GPC6: variants seen among roughly 807,000 people sequenced by gnomAD.
GPC6 encodes glypican-6.
GPC6 carries 14 observed loss-of-function variants against 55.2 expected under a neutral mutation model. That is an observed-to-expected ratio of 0.25 (90% CI 0.17 to 0.40). GPC6 has a LOEUF of 0.40. GPC6 is among the 10% of genes least tolerant of loss of function. The pLI is 1.00. For synonymous variants in GPC6, 278 were observed against 259.6 expected (o/e 1.07, Z -0.68); for missense variants, 641 against 708.5 (o/e 0.90, Z 1.08).
At position 94,231,832 on chromosome 13, in the gene GPC6, C is replaced by CA. The variant is rs201372592; in HGVS notation, c.878-54509dup. Among the ~76,000 whole-genome samples the CA allele has an allele frequency of 3.5e-3, 523 of 150,950 alleles. 9 individuals are homozygous for CA. Among genetic ancestry groups the CA allele is most frequent in the African/African-American group, 0.011 (470 of 41,008 alleles). ...TGACCTGGCTATTAAAATGAAAACA[C>CA]AAAAAAAATGTCTGCTTGTGACTAT... On this transcript the variant is annotated intron_variant, in intron 4 of 8. Coordinates refer to ENST00000377047, the MANE Select transcript of GPC6 (RefSeq NM_005708.5).
intron 4 of GPC6, among the ~76,000 whole-genome samples, chr13:94,220,453 C>T (rs1890349508): frequency 6.6e-6 from 1 of 152,042 alleles, no homozygotes; most frequent in Non-Finnish European, 1.5e-5. Flanking sequence ...TCATTGAAAA[C>T]CAAAGCACTT....
intron 2 of GPC6, among the ~76,000 whole-genome samples, chr13:93,685,990 GTTATATC>G (rs1882034173): frequency 6.6e-6 from 1 of 152,092 alleles, no homozygotes; most frequent in African/African-American, 2.4e-5. Context: ...TCTCTTCTCT[GTTATATC>G]ACACAACAAC....
chr13:93,230,808 A>G (rs1875979239), intron 1 of GPC6, among the ~76,000 whole-genome samples: 1 of 152,044 alleles, frequency 6.6e-6, no homozygotes, highest in Non-Finnish European at 1.5e-5. Flanking sequence ...AAGGAACTCT[A>G]CCACTGAAAA....
At chr13:94,208,013 T>A (rs769703435) in intron 4 of GPC6, among the ~76,000 whole-genome samples, 19 of 152,172 alleles carry the variant, frequency 1.2e-4, no homozygotes, top group Non-Finnish European at 2.2e-4. Flanking sequence ...GAACGTAAAA[T>A]TTATGACATG....
At chr13:93,709,188 A>G (rs751745362) in intron 2 of GPC6, among the ~76,000 whole-genome samples, 1 of 151,944 alleles carries the variant, frequency 6.6e-6, no homozygotes. Flanking sequence ...TATAAGGTGG[A>G]TATCAATCTA....
chr13:93,434,895 C>T (rs550760262), intron 1 of GPC6, among the ~76,000 whole-genome samples: 4 of 152,058 alleles, frequency 2.6e-5, no homozygotes, highest in South Asian at 2.1e-4. Flanking sequence ...TTAGTAGAGA[C>T]GAGGTTTCAC....
chr13:94,403,100 C>T lies in GPC6; in HGVS notation c.1551C>T (p.Ala517=). 1 of 1,613,254 alleles carries T rather than the reference C, an allele frequency of 6.2e-7. No homozygotes were observed. Among genetic ancestry groups the T allele is most frequent in the Non-Finnish European group, 8.5e-7 (1 of 1,179,196 alleles). Residue 517 remains alanine, a synonymous_variant, in exon 9 of 9, where the codon GCC becomes GCT. Coordinates refer to ENST00000377047, the MANE Select transcript of GPC6 (RefSeq NM_005708.5). ...AGTTTGAGTTTGTCACCACAGAGGCCCCCGCAGTGGATCCCGACCGGAGAG... is the reference window on the plus strand; with the variant it reads ...AGTTTGAGTTTGTCACCACAGAGGCTCCCGCAGTGGATCCCGACCGGAGAG... ...PTEFEFVTTE[A]PAVDPDRREV... is the part of the protein sequence containing the mutation.
At chr13:93,989,684 G>A (rs992764220) in intron 3 of GPC6, among the ~76,000 whole-genome samples, 1 of 152,042 alleles carries the variant, frequency 6.6e-6, no homozygotes, top group Non-Finnish European at 1.5e-5. Context: ...AATTATTTCA[G>A]ACAGAGCAAC....
chr13:93,632,618 T>C (rs1879504214), intron 2 of GPC6, among the ~76,000 whole-genome samples: 1 of 71,538 alleles, frequency 1.4e-5, no homozygotes, highest in Non-Finnish European at 3.4e-5. Context: ...TATATATATG[T>C]ATATATATAT....
chr13:93,612,977 T>A (rs2139543104), intron 2 of GPC6, among the ~76,000 whole-genome samples: 1 of 152,322 alleles, frequency 6.6e-6, no homozygotes, highest in Non-Finnish European at 1.5e-5. Flanking sequence ...TATGCTGGAA[T>A]TCATTGCCAA....
At chr13:93,361,479 A>G (rs1477165174) in intron 1 of GPC6, among the ~76,000 whole-genome samples, 2 of 152,178 alleles carry the variant, frequency 1.3e-5, no homozygotes, top group Admixed American at 6.5e-5. Context: ...ATCATGCCAT[A>G]GATGTTCATA....
intron 1 of GPC6, among the ~76,000 whole-genome samples, chr13:93,479,503 G>A (rs1181546097): frequency 6.6e-6 from 1 of 152,116 alleles, no homozygotes; most frequent in East Asian, 1.9e-4. Flanking sequence ...GGGATGAAGG[G>A]CTCGACGTGG....
At chr13:94,262,770 T>A (rs994068843) in intron 4 of GPC6, among the ~76,000 whole-genome samples, 3 of 152,022 alleles carry the variant, frequency 2.0e-5, no homozygotes, top group African/African-American at 7.3e-5. Flanking sequence ...AGCTAACAGA[T>A]GTGATCTAGG....
At chr13:94,335,539 G>C (rs1169735484) in intron 6 of GPC6, among the ~76,000 whole-genome samples, 2 of 152,104 alleles carry the variant, frequency 1.3e-5, no homozygotes, top group African/African-American at 4.8e-5. Flanking sequence ...CAGTCTTTTA[G>C]GTTTGACATC....
chr13:94,144,291 A>G (rs964870550), intron 4 of GPC6, among the ~76,000 whole-genome samples: 1 of 151,874 alleles, frequency 6.6e-6, no homozygotes, highest in East Asian at 2.0e-4. Context: ...TCTTTTTCCA[A>G]TTCATGACCC....
At chr13:93,737,790 C>G (rs1304797827) in intron 2 of GPC6, among the ~76,000 whole-genome samples, 1 of 151,986 alleles carries the variant, frequency 6.6e-6, no homozygotes, top group Non-Finnish European at 1.5e-5. Context: ...ATAGCTTTGT[C>G]AAAACATTAT....
At chr13:94,286,290 C>T (rs952774446) in intron 4 of GPC6, 59 bp from the exon 5 acceptor site, 14 of 1,587,310 alleles carry the variant, frequency 8.8e-6, no homozygotes, top group Non-Finnish European at 1.0e-5. Flanking sequence ...TGTTTAAACA[C>T]AGGTTGGGAA....
intron 4 of GPC6, among the ~76,000 whole-genome samples, chr13:94,257,674 G>A (rs1891544924): frequency 6.6e-6 from 1 of 152,224 alleles, no homozygotes; most frequent in African/African-American, 2.4e-5. Flanking sequence ...GACTTGACCA[G>A]TGCAGGGTCC....
chr13:93,245,478 G>T (rs573046491), intron 1 of GPC6, among the ~76,000 whole-genome samples: 2 of 152,226 alleles, frequency 1.3e-5, no homozygotes, highest in East Asian at 1.9e-4. Flanking sequence ...TCACCGAAAG[G>T]CTTGCAAAAC....
Sources: gnomAD v4.1 joint callset for allele counts (sites outside exome capture counted in the v4.1 genomes callset) on GRCh38, gnomAD v4.1.1 for gene constraint, MANE v1.5 for transcripts, NCBI Gene and HGNC (gene_info 2026-07-23, HGNC 2026-07-21) for gene names.